OXCT1: variants seen among roughly 807,000 people sequenced by gnomAD.
The protein encoded by OXCT1 is succinyl-CoA:3-ketoacid coenzyme A transferase 1, mitochondrial.
Under a neutral mutation model 69.6 loss-of-function variants are expected in OXCT1, and 27 were observed. The ratio of observed to expected loss-of-function variants is 0.39; its 90% CI spans 0.29 to 0.54. The LOEUF is 0.54. Ranked by LOEUF, OXCT1 falls within the 20% of genes least tolerant of loss-of-function variation. The pLI, the probability that OXCT1 is intolerant of heterozygous loss-of-function variation, is 0.72. For synonymous variants in OXCT1, 202 were observed against 217.8 expected, an observed-to-expected ratio of 0.93 and a Z score of 0.64; for missense variants, 437 against 650.2, an observed-to-expected ratio of 0.67 and a Z score of 3.57.
At chr5:41,744,658 A>G (rs1743375175) in intron 15 of OXCT1, among the ~76,000 whole-genome samples, 1 of 152,116 alleles carries the variant, frequency 6.6e-6, no homozygotes, top group African/African-American at 2.4e-5. Context: ...TAATTTATTG[A>G]GAGTTTTTAG....
chr5:41,807,179 C>A, intron 8 of OXCT1, 152 bp downstream of exon 8: 1 of 661,728 alleles, frequency 1.5e-6, no homozygotes, highest in Non-Finnish European at 2.8e-6. Flanking sequence ...CCATCATATC[C>A]CCATGATGAT....
At chr5:41,769,831 G>A (rs992073602) in intron 13 of OXCT1, among the ~76,000 whole-genome samples, 2 of 152,148 alleles carry the variant, frequency 1.3e-5, no homozygotes, top group Admixed American at 1.3e-4. Flanking sequence ...TTGGGGTACA[G>A]TGGCAGGATC....
At chr5:41,813,060 A>G (rs768915504) in intron 7 of OXCT1, among the ~76,000 whole-genome samples, 6 of 152,080 alleles carry the variant, frequency 3.9e-5, no homozygotes, top group Non-Finnish European at 7.4e-5. Flanking sequence ...AAATCATGTC[A>G]TATGATCTTC....
At chr5:41,856,096 T>C (rs1319566661) in intron 3 of OXCT1, among the ~76,000 whole-genome samples, 1 of 152,186 alleles carries the variant, frequency 6.6e-6, no homozygotes, top group Non-Finnish European at 1.5e-5. Flanking sequence ...AGGAAGTCCC[T>C]GTAAAAAGTT....
chr5:41,740,940 C>T (rs1302307795), intron 15 of OXCT1, among the ~76,000 whole-genome samples: 1 of 147,670 alleles, frequency 6.8e-6, no homozygotes, highest in Non-Finnish European at 1.5e-5. Context: ...CTATTATTTG[C>T]AGGCCTAGAA....
Position 41,762,287 on chromosome 5 carries a change from G to T in OXCT1, c.1249-87C>A. 9.6e-7 allele frequency: 1 copy of T among 1,037,320 alleles called. No individual in the cohort carries two copies. Among genetic ancestry groups the T allele is most frequent in the Non-Finnish European group, 1.5e-6 (1 of 654,040 alleles). 64.3% of individuals were successfully genotyped at this position (1,037,320 alleles called of 1,614,324 possible). ...ATTAACTTGCAAAAATAAGCTACTA[G>T]AATCATTAAAAACTCATTGTCCTTC... On this transcript the variant is annotated intron_variant, in intron 13 of 16. Transcript: ENST00000196371. The surrounding 1 kb of genome is among the most constrained non-coding windows in gnomAD (Gnocchi z 4.0).
chr5:41,864,948 A>G (rs1257159149), intron 1 of OXCT1, among the ~76,000 whole-genome samples: 1 of 152,208 alleles, frequency 6.6e-6, no homozygotes, highest in Non-Finnish European at 1.5e-5. Flanking sequence ...CAGTCTGTGC[A>G]GTAAGATCAC....
chr5:41,826,633 CAA>C (rs34743357), intron 7 of OXCT1, among the ~76,000 whole-genome samples: 1 of 148,664 alleles, frequency 6.7e-6, no homozygotes, highest in African/African-American at 2.5e-5. Context: ...ATATTCTGTT[CAA>C]AAAAAAAATG....
chr5:41,787,691 A>C (rs1334392169), intron 13 of OXCT1, among the ~76,000 whole-genome samples: 1 of 151,086 alleles, frequency 6.6e-6, no homozygotes, highest in Non-Finnish European at 1.5e-5. Context: ...GGAACAATTC[A>C]CAATCCTACC....
chr5:41,844,487 A>G (rs931254073), intron 5 of OXCT1, among the ~76,000 whole-genome samples: 2 of 149,854 alleles, frequency 1.3e-5, no homozygotes, highest in Non-Finnish European at 3.0e-5. Flanking sequence ...ACTCTTTCCC[A>G]TTTCTCTTTG....
At chr5:41,844,971 C>G (rs765576436) in intron 5 of OXCT1, among the ~76,000 whole-genome samples, 1 of 151,820 alleles carries the variant, frequency 6.6e-6, no homozygotes, top group Non-Finnish European at 1.5e-5. Context: ...ACCACCACCC[C>G]AGCAGCCACA....
intron 14 of OXCT1, among the ~76,000 whole-genome samples, chr5:41,758,771 CAGAGGGGGCATAG>C (rs1302598733): frequency 1.3e-5 from 2 of 152,040 alleles, no homozygotes; most frequent in African/African-American, 2.4e-5. Context: ...CTTTATCAGA[CAGAGGGGGCATAG>C]AAAATTTAAT....
chr5:41,737,850 TCGAGAC>T (rs1029901985), intron 16 of OXCT1, among the ~76,000 whole-genome samples: 8 of 152,140 alleles, frequency 5.3e-5, no homozygotes, highest in African/African-American at 1.7e-4. Context: ...GGTCAGGAGA[TCGAGAC>T]CATCCTGGCT....
intron 8 of OXCT1, among the ~76,000 whole-genome samples, chr5:41,805,909 C>T (rs1370298339): frequency 1.3e-5 from 2 of 152,064 alleles, no homozygotes; most frequent in Non-Finnish European, 2.9e-5. Context: ...GGAAGATACG[C>T]TGTTCAGTCT....
chr5:41,756,304 G>A (rs1036885017), intron 14 of OXCT1, among the ~76,000 whole-genome samples: 9 of 152,154 alleles, frequency 5.9e-5, no homozygotes, highest in African/African-American at 1.9e-4. Flanking sequence ...CACGTTTCCC[G>A]TACATGATAT....
intron 13 of OXCT1, among the ~76,000 whole-genome samples, chr5:41,779,920 A>G (rs1416331522): frequency 6.6e-6 from 1 of 152,176 alleles, no homozygotes; most frequent in Non-Finnish European, 1.5e-5. Context: ...CATGCAATTA[A>G]AATTATATTC....
intron 6 of OXCT1, among the ~76,000 whole-genome samples, chr5:41,840,712 G>A (rs1188727407): frequency 2.0e-5 from 3 of 152,128 alleles, no homozygotes; most frequent in Non-Finnish European, 4.4e-5. Flanking sequence ...TTTATTCAAT[G>A]TATATAGTTT....
chr5:41,745,008 C>T (rs1359798258), intron 15 of OXCT1, among the ~76,000 whole-genome samples: 1 of 152,062 alleles, frequency 6.6e-6, no homozygotes, highest in African/African-American at 2.4e-5. Context: ...AGAAAGGTAA[C>T]AACGCTATCC....
intron 14 of OXCT1, among the ~76,000 whole-genome samples, chr5:41,751,552 C>G (rs1225072891): frequency 6.6e-6 from 1 of 152,108 alleles, no homozygotes; most frequent in Non-Finnish European, 1.5e-5. Context: ...AGCCACATGC[C>G]CATGCTTCTC....
Sources: allele counts gnomAD v4.1 joint callset (sites outside exome capture counted in the v4.1 genomes callset), GRCh38; gene constraint gnomAD v4.1.1; non-coding constraint Gnocchi (gnomAD v3.1); transcripts MANE v1.5; gene names NCBI Gene and HGNC (gene_info 2026-07-23, HGNC 2026-07-21).